The following SLC22A3 variants were observed in gnomAD, a reference collection of about 807,000 sequenced individuals.
SLC22A3 encodes the protein solute carrier family 22 member 3.
SLC22A3 carries 51 observed loss-of-function variants against 59.1 expected under a neutral mutation model. That is an observed-to-expected ratio of 0.86 (90% CI 0.69 to 1.09). SLC22A3 has a LOEUF of 1.09. Ranked by LOEUF, SLC22A3 falls within the 50% of genes least tolerant of loss-of-function variation. The pLI is 0.00. For synonymous variants in SLC22A3, 325 were observed against 292.0 expected, an observed-to-expected ratio of 1.11 and a Z score of -1.15; for missense variants, 711 against 726.3, an observed-to-expected ratio of 0.98 and a Z score of 0.24.
At chr6:160,373,114 C>A (rs1444225650) in intron 1 of SLC22A3, among the ~76,000 whole-genome samples, 1 of 152,114 alleles carries the variant, frequency 6.6e-6, no homozygotes, top group African/African-American at 2.4e-5. Context: ...AGCATTTTTG[C>A]CCTGGTTTTT....
At chr6:160,368,358 C>T (rs1212262399) in intron 1 of SLC22A3, among the ~76,000 whole-genome samples, 1 of 152,160 alleles carries the variant, frequency 6.6e-6, no homozygotes, top group Non-Finnish European at 1.5e-5. Context: ...GCTCTGGTCC[C>T]CACCCCTCCT....
intron 1 of SLC22A3, among the ~76,000 whole-genome samples, chr6:160,388,592 G>C (rs12660365): frequency 1.3e-5 from 2 of 151,908 alleles, no homozygotes; most frequent in Non-Finnish European, 2.9e-5. Context: ...TACTTTAATT[G>C]CTTATTTTAT....
At chr6:160,440,196 C>T (rs1788494688) in intron 7 of SLC22A3, among the ~76,000 whole-genome samples, 1 of 152,154 alleles carries the variant, frequency 6.6e-6, no homozygotes, top group Admixed American at 6.5e-5. Context: ...CTTTCTTTAT[C>T]CATACCTGTC....
intron 2 of SLC22A3, 147 bp from the exon 3 acceptor site, chr6:160,406,894 C>T: frequency 3.2e-6 from 3 of 931,850 alleles, no homozygotes; most frequent in Non-Finnish European, 4.5e-6. Context: ...AACATAGGGA[C>T]ACCCTGTCTC....
chr6:160,432,990 G>A (rs891256648), intron 5 of SLC22A3, among the ~76,000 whole-genome samples: 1 of 152,058 alleles, frequency 6.6e-6, no homozygotes, highest in East Asian at 1.9e-4. Flanking sequence ...CTCATTCAGG[G>A]GTCAGCAAAC....
chr6:160,409,242 A>G (rs1400872447), intron 4 of SLC22A3, among the ~76,000 whole-genome samples: 5 of 97,678 alleles, frequency 5.1e-5, no homozygotes, highest in African/African-American at 1.2e-4. Context: ...TCATTGTTCA[A>G]TTCCCACCTA....
intron 5 of SLC22A3, among the ~76,000 whole-genome samples, chr6:160,430,355 T>G (rs942049375): frequency 2.0e-5 from 3 of 152,134 alleles, no homozygotes; most frequent in Admixed American, 1.3e-4. Context: ...CCTGACTGTC[T>G]TTTTTCTGAC....
intron 5 of SLC22A3, among the ~76,000 whole-genome samples, chr6:160,428,887 G>A (rs1164011881): frequency 6.6e-6 from 1 of 152,184 alleles, no homozygotes; most frequent in East Asian, 1.9e-4. Context: ...CAGGTAATTT[G>A]GCAAATTCTC....
At chr6:160,392,687 A>C (rs556036735) in intron 1 of SLC22A3, among the ~76,000 whole-genome samples, 3 of 152,308 alleles carry the variant, frequency 2.0e-5, no homozygotes, top group African/African-American at 4.8e-5. Flanking sequence ...TGGTGACCCA[A>C]ATTAATAATG....
chr6:160,377,410 A>G (rs1005876798), intron 1 of SLC22A3, among the ~76,000 whole-genome samples: 3 of 151,936 alleles, frequency 2.0e-5, no homozygotes, highest in Non-Finnish European at 4.4e-5. Context: ...GCTTGAACCC[A>G]GAAGGTGGAG....
chr6:160,358,606 C>G (rs974125851), intron 1 of SLC22A3, among the ~76,000 whole-genome samples: 1 of 152,144 alleles, frequency 6.6e-6, no homozygotes, highest in East Asian at 1.9e-4. Context: ...CTCAAGCCCC[C>G]GTGGATTCAG....
intron 3 of SLC22A3, among the ~76,000 whole-genome samples, chr6:160,407,851 C>T (rs921786295): frequency 6.6e-6 from 1 of 152,174 alleles, no homozygotes; most frequent in Non-Finnish European, 1.5e-5. Context: ...TGGTGGATTT[C>T]TGACCAGGAA....
chr6:160,386,922 G>A (rs375625787), intron 1 of SLC22A3, among the ~76,000 whole-genome samples: 108 of 152,290 alleles, frequency 7.1e-4, no homozygotes, highest in African/African-American at 2.4e-3. Flanking sequence ...TTCCCAGGCC[G>A]CTTGGCCACC....
At chr6:160,413,515 G>C (rs1787343168) in intron 5 of SLC22A3, among the ~76,000 whole-genome samples, 1 of 152,186 alleles carries the variant, frequency 6.6e-6, no homozygotes, top group Non-Finnish European at 1.5e-5. Context: ...TATCCACTGA[G>C]TAGGAATCAA....
At chr6:160,394,175 T>C (rs974916370) in intron 1 of SLC22A3, among the ~76,000 whole-genome samples, 3 of 152,264 alleles carry the variant, frequency 2.0e-5, no homozygotes, top group Non-Finnish European at 4.4e-5. Context: ...TTGTTCTACA[T>C]AGATTGCCTT....
intron 5 of SLC22A3, chr6:160,425,873 C>T (rs552749175): frequency 1.0e-6 from 1 of 985,288 alleles, no homozygotes; most frequent in South Asian, 4.7e-5. Context: ...GGCCCAGAGA[C>T]CAGCCATGAG....
chr6:160,367,076 A>G (rs775835225), intron 1 of SLC22A3, among the ~76,000 whole-genome samples: 2 of 152,160 alleles, frequency 1.3e-5, no homozygotes, highest in African/African-American at 4.8e-5. Flanking sequence ...CCAATTTACT[A>G]TATTAGTCCA....
chr6:160,359,961 T>G (rs1446719563), intron 1 of SLC22A3, among the ~76,000 whole-genome samples: 1 of 152,236 alleles, frequency 6.6e-6, no homozygotes, highest in Non-Finnish European at 1.5e-5. Flanking sequence ...ACTCATTATC[T>G]TATTACAACT....
At chr6:160,393,535 C>T (rs113087189) in intron 1 of SLC22A3, among the ~76,000 whole-genome samples, 557 of 149,322 alleles carry the variant, frequency 3.7e-3, no homozygotes, top group African/African-American at 0.012. Context: ...TGAGAACATG[C>T]GGTGTTTGGT....
Sources: allele counts gnomAD v4.1 joint callset (sites outside exome capture counted in the v4.1 genomes callset), GRCh38; gene constraint gnomAD v4.1.1; transcripts MANE v1.5; gene names NCBI Gene and HGNC (gene_info 2026-07-23, HGNC 2026-07-21).